PHTF1: variants seen among roughly 807,000 people sequenced by gnomAD.
The protein encoded by PHTF1 is protein PHTF1.
In PHTF1, 88 loss-of-function variants were observed where a neutral mutation model predicts 102.4. The observed-to-expected ratio is 0.86, with a 90% CI of 0.72 to 1.03. The LOEUF (loss-of-function observed/expected upper bound fraction) is 1.03. Ranked by LOEUF, PHTF1 falls within the 50% of genes least tolerant of loss-of-function variation. The pLI, the probability that PHTF1 is intolerant of heterozygous loss-of-function variation, is 0.00. For missense variants in PHTF1, 814 were observed against 909.5 expected (o/e 0.89, Z 1.35); for synonymous variants, 289 against 305.2 (o/e 0.95, Z 0.55).
At chr1:113,734,859 G>A (rs1446097353) in intron 5 of PHTF1, among the ~76,000 whole-genome samples, 3 of 152,130 alleles carry the variant, frequency 2.0e-5, no homozygotes, top group East Asian at 3.9e-4. Flanking sequence ...GACACAGCAA[G>A]AAGACTGACA....
intron 3 of PHTF1, among the ~76,000 whole-genome samples, chr1:113,747,957 C>T (rs1657477273): frequency 6.6e-6 from 1 of 152,170 alleles, no homozygotes; most frequent in Non-Finnish European, 1.5e-5. Context: ...TTTCTCAGTG[C>T]TGATGACTCA....
At chr1:113,702,155 C>G (rs1649522989) in intron 15 of PHTF1, among the ~76,000 whole-genome samples, 1 of 152,074 alleles carries the variant, frequency 6.6e-6, no homozygotes, top group African/African-American at 2.4e-5. Context: ...ATGGGATAAA[C>G]TGTTCTAAGG....
intron 7 of PHTF1, among the ~76,000 whole-genome samples, chr1:113,718,743 C>T (rs904422714): frequency 6.6e-6 from 1 of 152,216 alleles, no homozygotes; most frequent in Non-Finnish European, 1.5e-5. Context: ...CCCTTTCAGC[C>T]ATGGCTGGAG....
At chr1:113,700,702 ACAGTGATT>A in intron 16 of PHTF1, 84 bp downstream of exon 16, 1 of 1,173,818 alleles carries the variant, frequency 8.5e-7, no homozygotes, top group Non-Finnish European at 1.2e-6. Flanking sequence ...TGACAGCTAG[ACAGTGATT>A]AAACCCTGAA....
intron 7 of PHTF1, among the ~76,000 whole-genome samples, chr1:113,717,195 T>G (rs1007749120): frequency 6.6e-6 from 1 of 151,926 alleles, no homozygotes; most frequent in African/African-American, 2.4e-5. Flanking sequence ...AGCCTCAATG[T>G]AACCCCCAAA....
At chr1:113,740,020 G>C (rs1656115507) in intron 3 of PHTF1, among the ~76,000 whole-genome samples, 1 of 152,048 alleles carries the variant, frequency 6.6e-6, no homozygotes, top group African/African-American at 2.4e-5. Flanking sequence ...CATGACTATT[G>C]TGAACAGTGC....
chr1:113,698,585 G>C (rs1649060032), intron 17 of PHTF1, among the ~76,000 whole-genome samples, 198 bp from the exon 18 acceptor site: 1 of 149,248 alleles, frequency 6.7e-6, no homozygotes, highest in South Asian at 2.1e-4. Context: ...AGGTGGATTT[G>C]AGCAATATGT....
intron 8 of PHTF1, among the ~76,000 whole-genome samples, chr1:113,712,976 A>G (rs2101195462): frequency 6.6e-6 from 1 of 152,186 alleles, no homozygotes; most frequent in East Asian, 1.9e-4. Context: ...TATTTTTAGT[A>G]GAAACGGGGT....
intron 7 of PHTF1, among the ~76,000 whole-genome samples, chr1:113,722,417 C>A (rs889363183): frequency 6.6e-6 from 1 of 151,272 alleles, no homozygotes; most frequent in South Asian, 2.1e-4. Flanking sequence ...CTAGCTTTGG[C>A]GATAGAGCGA....
At chr1:113,705,353 C>A (rs1048133796) in intron 13 of PHTF1, among the ~76,000 whole-genome samples, 1 of 152,098 alleles carries the variant, frequency 6.6e-6, no homozygotes, top group South Asian at 2.1e-4. Flanking sequence ...GCTGGAAGGA[C>A]TGCTTGATCC....
At chr1:113,745,254 A>C (rs1657047404) in intron 3 of PHTF1, among the ~76,000 whole-genome samples, 1 of 152,166 alleles carries the variant, frequency 6.6e-6, no homozygotes. Context: ...TTGTAAGGGT[A>C]CTAGGAAGTC....
intron 11 of PHTF1, among the ~76,000 whole-genome samples, chr1:113,709,618 A>G (rs1427198135): frequency 6.6e-6 from 1 of 152,236 alleles, no homozygotes; most frequent in Non-Finnish European, 1.5e-5. Context: ...GATATAAATA[A>G]TAATGCTAAC....
intron 5 of PHTF1, among the ~76,000 whole-genome samples, chr1:113,731,354 G>A (rs1048679394): frequency 2.0e-5 from 3 of 150,932 alleles, no homozygotes; most frequent in South Asian, 2.1e-4. Context: ...GCAATATAGC[G>A]AGAGCCCATC....
chr1:113,721,210 C>G (rs1230643), intron 7 of PHTF1, among the ~76,000 whole-genome samples: 1,859 of 152,218 alleles, frequency 0.012, 48 homozygotes, highest in African/African-American at 0.043. Context: ...ACATACAAAT[C>G]AATTAACGTG....
chr1:113,742,628 G>T (rs1313636456), intron 3 of PHTF1, among the ~76,000 whole-genome samples: 3 of 146,088 alleles, frequency 2.1e-5, no homozygotes, highest in Non-Finnish European at 4.5e-5. Context: ...TCTCAATAAA[G>T]AAAAAAAAAA....
At chr1:113,736,293 G>T (rs543763224) in intron 5 of PHTF1, among the ~76,000 whole-genome samples, 6 of 147,120 alleles carry the variant, frequency 4.1e-5, no homozygotes, top group Non-Finnish European at 8.9e-5. Flanking sequence ...AGTGAGCCAA[G>T]ATCGCGCCAC....
chr1:113,710,811 T>TATA (rs1553224753), intron 10 of PHTF1, among the ~76,000 whole-genome samples: 4,433 of 82,828 alleles, frequency 0.054, 176 homozygotes, highest in African/African-American at 0.15. Flanking sequence ...TATATATATA[T>TATA]TTTTTTTTTT....
intron 3 of PHTF1, among the ~76,000 whole-genome samples, chr1:113,754,769 C>T (rs550039921): frequency 4.8e-4 from 73 of 152,130 alleles, no homozygotes; most frequent in Non-Finnish European, 7.8e-4. Flanking sequence ...GACTCCTCTA[C>T]TCAAAAACCA....
At chr1:113,749,055 T>C (rs1297264218) in intron 3 of PHTF1, among the ~76,000 whole-genome samples, 1 of 152,180 alleles carries the variant, frequency 6.6e-6, no homozygotes, top group Admixed American at 6.5e-5. Flanking sequence ...TAATATCCAC[T>C]CTCTTAGCAT....
Sources: gnomAD v4.1 joint callset for allele counts (sites outside exome capture counted in the v4.1 genomes callset) on GRCh38, gnomAD v4.1.1 for gene constraint, MANE v1.5 for transcripts, NCBI Gene and HGNC (gene_info 2026-07-23, HGNC 2026-07-21) for gene names.